Variants in NCAPD2 observed in about 807,000 individuals in gnomAD.
The protein encoded by NCAPD2 is non-SMC condensin I complex subunit D2.
NCAPD2 carries 100 observed loss-of-function variants against 164.5 expected under a neutral mutation model. The observed-to-expected ratio is 0.61, with a 90% CI of 0.52 to 0.72. NCAPD2 has a LOEUF of 0.72. NCAPD2 is among the 30% of genes least tolerant of loss of function. The probability of loss-of-function intolerance (pLI) is 0.00; values close to 1 mark genes in which losing one functional copy is unlikely to be tolerated. For synonymous variants in NCAPD2, 585 were observed against 642.6 expected, an observed-to-expected ratio of 0.91 and a Z score of 1.36; for missense variants, 1,560 against 1,749.2, an observed-to-expected ratio of 0.89 and a Z score of 1.93.
In NCAPD2 at chr12:6,523,336, T is replaced by G; in HGVS notation, c.2204T>G (p.Leu735Arg). 1 of 1,612,440 alleles carries G rather than the reference T, an allele frequency of 6.2e-7. No individual in the cohort carries two copies. Among genetic ancestry groups the G allele is most frequent in the Non-Finnish European group, 8.5e-7 (1 of 1,178,698 alleles). Residue 735 changes from leucine (L) to arginine (R), a missense_variant, in exon 17 of 32, where the codon CTT (leucine) becomes CGT (arginine). Leu to Arg is a moderately radical substitution (Grantham distance 102, BLOSUM62 -2). Coordinates refer to ENST00000315579, the MANE Select transcript of NCAPD2 (RefSeq NM_014865.4). ...GCCTCGGTTGGGACCATTCAGTGTCTTGAGGAAATTGTAAGGCTTCCTGCT... is the reference window on the plus strand; with the variant it reads ...GCCTCGGTTGGGACCATTCAGTGTCGTGAGGAAATTGTAAGGCTTCCTGCT... ...VDASVGTIQCLEEILCEFVQK... is the reference protein window; with the variant it reads ...VDASVGTIQCREEILCEFVQK...
At chr12:6,527,125 A>G (rs1946324940) in intron 22 of NCAPD2, 62 bp downstream of exon 22, 8 of 1,471,058 alleles carry the variant, frequency 5.4e-6, no homozygotes, top group Non-Finnish European at 7.3e-6. Context: ...AACTGAGCTG[A>G]TCCCCTTCCG....
intron 2 of NCAPD2, among the ~76,000 whole-genome samples, chr12:6,504,194 T>TAG (rs1351021359): frequency 1.2e-4 from 4 of 33,572 alleles, no homozygotes; most frequent in East Asian, 1.9e-3. Flanking sequence ...TATATATATA[T>TAG]ATATATATAT....
Position 6,531,439 on chromosome 12 carries a change from A to G in NCAPD2, c.*27A>G, listed in dbSNP as rs756961206. 7.4e-6 allele frequency: 12 copies of G among 1,611,230 alleles called. No individual in the cohort carries two copies. Among genetic ancestry groups the G allele is most frequent in the South Asian group, 1.1e-5 (1 of 90,802 alleles). ...AAGTCTGTTCCTGTCCTCCCTGTGC[A>G]GGGTATCCTGTAGGGTGACCTGGAA... On this transcript the variant is annotated 3_prime_UTR_variant, in exon 32 of 32. Transcript: ENST00000315579. The surrounding 1 kb of genome is among the most constrained non-coding windows in gnomAD (Gnocchi z 4.1).
intron 2 of NCAPD2, among the ~76,000 whole-genome samples, chr12:6,504,662 G>A (rs911596328): frequency 1.3e-5 from 2 of 152,086 alleles, no homozygotes; most frequent in Non-Finnish European, 2.9e-5. Context: ...AAAGTGCTGG[G>A]ATTACAGGTG....
intron 2 of NCAPD2, among the ~76,000 whole-genome samples, chr12:6,506,709 G>A (rs11064240): frequency 0.012 from 1,822 of 152,188 alleles, 27 homozygotes; most frequent in African/African-American, 0.042. Context: ...GCCAGATATG[G>A]TAGAGCATAC....
rs1161362028 is a variant in NCAPD2 at position 6,517,424 on chromosome 12, C to G, written c.1245C>G (p.Asp415Glu). 1 of 1,614,220 alleles carries G rather than the reference C, an allele frequency of 6.2e-7. No homozygotes were observed. Among genetic ancestry groups the G allele is most frequent in the South Asian group, 1.1e-5 (1 of 91,090 alleles). ...CTTTAGCTGTGGGACGTCTGGCAGA[C>G]AAGTCAGTGCTAGTATGTAAAAATG... ...VVALAVGRLA[D>E]KSVLVCKNAI... Residue 415 changes from aspartate (D) to glutamate (E), a missense_variant, in exon 11 of 32, where the codon GAC becomes GAG. Coordinates refer to ENST00000315579, the MANE Select transcript of NCAPD2 (RefSeq NM_014865.4).
In NCAPD2 at chr12:6,529,806, T is replaced by C. The variant is rs759496497; in HGVS notation, c.3685T>C (p.Cys1229Arg). 6.2e-7 allele frequency: 1 copy of C among 1,614,090 alleles called. No homozygotes were observed. The highest frequency in any genetic ancestry group is 1.1e-5 in the South Asian group (1 of 91,074). The change falls in exon 29 of 32, where the codon TGT (cysteine) becomes CGT (arginine). Residue 1229 changes from cysteine to arginine, a missense_variant. Physicochemically the swap from Cys to Arg is radical, Grantham distance 180. Transcript: ENST00000315579. Reference protein sequence around the residue: ...TERQQRDLAYCVSQLPLTERG... With the variant: ...TERQQRDLAYRVSQLPLTERG... Reference sequence around the variant, plus strand: ...GCGGCAGCAGCGAGACCTGGCCTACTGTGTGTCACAGCTGCCCCTCACAGA... The same window carrying C: ...GCGGCAGCAGCGAGACCTGGCCTACCGTGTGTCACAGCTGCCCCTCACAGA...
rs145635166 is a variant in NCAPD2 at position 6,499,203 on chromosome 12, C to A, written c.127+3978C>A. Reference sequence around the variant, plus strand: ...TGAATTGTGTATCTCTGGAATATTTCTTTCTTTCTTTCTTTTTATTTTTTT... The same window carrying A: ...TGAATTGTGTATCTCTGGAATATTTATTTCTTTCTTTCTTTTTATTTTTTT... On this transcript the variant is annotated intron_variant, in intron 2 of 31. Transcript: ENST00000315579. 1.3e-3 allele frequency among the ~76,000 whole-genome samples: 200 copies of A among 151,330 alleles called. 1 individual carries two copies. The highest frequency in any genetic ancestry group is 2.2e-3 in the Non-Finnish European group (150 of 67,896).
chr12:6,516,492 A>T (rs1054665442), intron 9 of NCAPD2, among the ~76,000 whole-genome samples: 3 of 152,290 alleles, frequency 2.0e-5, no homozygotes, highest in Admixed American at 6.5e-5. Context: ...ACAGAGCAAG[A>T]CTCCGTCTCA....
chr12:6,512,308 T>C (rs553086443), intron 6 of NCAPD2, among the ~76,000 whole-genome samples: 19 of 145,906 alleles, frequency 1.3e-4, no homozygotes, highest in South Asian at 1.1e-3. Flanking sequence ...GATAGATAGA[T>C]AGACAGACAG....
chr12:6,529,974 C>G lies in NCAPD2; in HGVS notation c.3837+16C>G. ...TGAGGGCAAGGTGAGCAGCACAGGACACTTCAATGCCTGTTGGGTTCTGGG... is the reference window on the plus strand; with the variant it reads ...TGAGGGCAAGGTGAGCAGCACAGGAGACTTCAATGCCTGTTGGGTTCTGGG... On this transcript the variant is annotated intron_variant, in intron 29 of 31. Coordinates refer to ENST00000315579, the MANE Select transcript of NCAPD2 (RefSeq NM_014865.4). 6.2e-7 allele frequency: 1 copy of G among 1,606,426 alleles called. No individual in the cohort carries two copies. The highest frequency in any genetic ancestry group is 2.2e-5 in the East Asian group (1 of 44,752).
intron 2 of NCAPD2, among the ~76,000 whole-genome samples, chr12:6,498,678 G>A (rs900248842): frequency 1.3e-5 from 2 of 151,932 alleles, no homozygotes; most frequent in Non-Finnish European, 2.9e-5. Context: ...TGTGATCTCA[G>A]CTCACTGCAA....
intron 9 of NCAPD2, among the ~76,000 whole-genome samples, chr12:6,515,956 C>T (rs937605196): frequency 6.6e-6 from 1 of 152,054 alleles, no homozygotes; most frequent in African/African-American, 2.4e-5. Context: ...CTTTGGGAGG[C>T]TGAGGTGAGT....
chr12:6,499,342 G>T (rs1439696726), intron 2 of NCAPD2, among the ~76,000 whole-genome samples: 1 of 152,026 alleles, frequency 6.6e-6, no homozygotes, highest in South Asian at 2.1e-4. Flanking sequence ...TTCCCAAGCA[G>T]CTGGGACTAC....
Position 6,525,221 on chromosome 12 carries a change from C to G in NCAPD2, c.2215-362C>G, listed in dbSNP as rs538448578. Among the ~76,000 whole-genome samples the G allele has an allele frequency of 3.3e-5, 5 of 152,334 alleles. No homozygotes were observed. In the East Asian group the frequency reaches 7.7e-4, roughly 23 times the overall value. ...TATTACTGATAGAGTGTTGATACCA[C>G]TGGCAAAATGAAAAGGCAAGGAAGG... On this transcript the variant is annotated intron_variant, in intron 17 of 31. Coordinates refer to ENST00000315579, the MANE Select transcript of NCAPD2 (RefSeq NM_014865.4).
intron 2 of NCAPD2, among the ~76,000 whole-genome samples, chr12:6,501,178 A>C (rs1019691728): frequency 6.8e-6 from 1 of 146,502 alleles, no homozygotes; most frequent in East Asian, 2.0e-4. Context: ...CTCATGCCTC[A>C]GCCACCTGAG....
rs1486054986 is a variant in NCAPD2 at position 6,530,819 on chromosome 12, T to C, written c.3964+2T>C. On this transcript the variant is annotated splice_donor_variant, in intron 30 of 31. Coordinates refer to ENST00000315579, the MANE Select transcript of NCAPD2 (RefSeq NM_014865.4). LOFTEE classifies it high-confidence loss of function. ...CATCAGCCAAGAAACCATCCACTGG[T>C]ACGTAAGGCAGCCTGTGCGGGCGAG... is the stretch of plus-strand genomic sequence containing the variant. 14 of 1,614,046 alleles carry C rather than the reference T, an allele frequency of 8.7e-6. No individual in the cohort carries two copies. In the African/African-American group the frequency reaches 1.2e-4, roughly 14 times the overall value.
At position 6,522,182 on chromosome 12, in the gene NCAPD2, C is replaced by T. The variant is rs1330062750; in HGVS notation, c.1954+145C>T. ...CTCCTGGGCTCAGGCAATTCTTCTG[C>T]GTCAGCCTCCCAAAGTGCTGGTATT... On this transcript the variant is annotated intron_variant, in intron 15 of 31. Transcript: ENST00000315579. The T allele has an allele frequency of 1.3e-5, 11 of 874,380 alleles. No homozygotes were observed. The Admixed American group carries it at 1.9e-4, about 15-fold the overall frequency. The allele number at this position is 874,380 out of a possible 1,614,324, so 54.2% of individuals were successfully genotyped here.
In NCAPD2 at chr12:6,511,203, G is replaced by A. The variant is rs892987814; in HGVS notation, c.538G>A (p.Asp180Asn). 54 of 1,614,092 alleles carry A rather than the reference G, an allele frequency of 3.3e-5. No homozygotes were observed. The highest frequency in any genetic ancestry group is 4.4e-5 in the Non-Finnish European group (52 of 1,180,054). The change falls in exon 6 of 32, where the codon GAC becomes AAC. Residue 180 changes from aspartate to asparagine, a missense_variant. By Grantham distance (23) the Asp-to-Asn change is conservative. Transcript: ENST00000315579. ...GCTTTTAACACAGCTACTTCAGTTGGACATCCGTCACCTGTGGAACCACTC... is the reference window on the plus strand; with the variant it reads ...GCTTTTAACACAGCTACTTCAGTTGAACATCCGTCACCTGTGGAACCACTC... ...LQLLTQLLQL[D>N]IRHLWNHSII...
Sources: gnomAD v4.1 joint callset for allele counts (sites outside exome capture counted in the v4.1 genomes callset) on GRCh38, gnomAD v4.1.1 for gene constraint, Gnocchi (gnomAD v3.1) non-coding constraint, MANE v1.5 for transcripts, NCBI Gene and HGNC (gene_info 2026-07-23, HGNC 2026-07-21) for gene names.